The following IL1RAPL2 variants were observed in gnomAD, a reference collection of about 807,000 sequenced individuals.
IL1RAPL2 encodes the protein interleukin 1 receptor accessory protein like 2.
Under a neutral mutation model 44.1 loss-of-function variants are expected in IL1RAPL2, and 3 were observed. That is an observed-to-expected ratio of 0.07 (90% CI 0.03 to 0.18). IL1RAPL2 has a LOEUF of 0.18. Ranked by LOEUF, IL1RAPL2 falls within the 10% of genes least tolerant of loss-of-function variation. IL1RAPL2 has a pLI of 1.00. For missense variants in IL1RAPL2, 391 were observed against 496.4 expected, an observed-to-expected ratio of 0.79 and a Z score of 2.02; for synonymous variants, 181 against 178.8, an observed-to-expected ratio of 1.01 and a Z score of -0.10.
At chrX:105,380,742 T>G (rs1232612406) in intron 5 of IL1RAPL2, among the ~76,000 whole-genome samples, 1 of 111,742 alleles carries the variant, frequency 8.9e-6, no homozygotes, top group Non-Finnish European at 1.9e-5. Context: ...GAAAATGAAG[T>G]TAGGGACTTA....
At chrX:105,694,377 T>C in intron 6 of IL1RAPL2, among the ~76,000 whole-genome samples, 1 of 111,614 alleles carries the variant, frequency 9.0e-6, no homozygotes, top group Non-Finnish European at 1.9e-5. Context: ...AAAACATACT[T>C]AGTAGGTAAA....
intron 2 of IL1RAPL2, among the ~76,000 whole-genome samples, chrX:104,778,128 G>A (rs766588830): frequency 9.1e-6 from 1 of 109,923 alleles, no homozygotes; most frequent in Admixed American, 9.7e-5. Context: ...GTGCATTTTG[G>A]CCATTTGTAT....
chrX:104,612,891 A>C (rs982533321), intron 1 of IL1RAPL2, among the ~76,000 whole-genome samples: 2 of 111,043 alleles, frequency 1.8e-5, no homozygotes, highest in African/African-American at 6.5e-5. Context: ...TTTCTCCTCC[A>C]TGGTTAGCTG....
chrX:104,990,401 T>C (rs2030639846), intron 2 of IL1RAPL2, among the ~76,000 whole-genome samples: 1 of 96,157 alleles, frequency 1.0e-5, no homozygotes, highest in South Asian at 4.7e-4. Flanking sequence ...CCCCTTGGGA[T>C]GGGGTTGGAG....
At chrX:105,011,893 TAGAC>T (rs2031054460) in intron 2 of IL1RAPL2, among the ~76,000 whole-genome samples, 1 of 110,803 alleles carries the variant, frequency 9.0e-6, no homozygotes, top group Non-Finnish European at 1.9e-5. Flanking sequence ...ACCTGACAAT[TAGAC>T]AGTTACATAG....
chrX:104,593,810 G>C (rs1292872397), intron 1 of IL1RAPL2, among the ~76,000 whole-genome samples: 1 of 111,981 alleles, frequency 8.9e-6, no homozygotes, highest in Non-Finnish European at 1.9e-5. Context: ...CCCTTCAACA[G>C]TGTCCTACAC....
At chrX:105,074,015 T>A (rs1235449594) in intron 2 of IL1RAPL2, among the ~76,000 whole-genome samples, 2 of 111,845 alleles carry the variant, frequency 1.8e-5, no homozygotes, top group Non-Finnish European at 3.8e-5. Context: ...GATGGTGGTT[T>A]CTTTTGCTGT....
At chrX:104,626,421 C>T (rs1309022315) in intron 1 of IL1RAPL2, among the ~76,000 whole-genome samples, 4 of 108,871 alleles carry the variant, frequency 3.7e-5, no homozygotes, top group Non-Finnish European at 5.7e-5. Flanking sequence ...TTTATTTTAC[C>T]AATGTCCTAA....
intron 3 of IL1RAPL2, among the ~76,000 whole-genome samples, chrX:105,221,997 A>G (rs1481643014): frequency 9.0e-6 from 1 of 111,506 alleles, no homozygotes; most frequent in Non-Finnish European, 1.9e-5. Context: ...TAATTTCTTC[A>G]TAATCCCTAA....
At chrX:104,652,567 G>A (rs1930172385) in intron 1 of IL1RAPL2, among the ~76,000 whole-genome samples, 1 of 111,512 alleles carries the variant, frequency 9.0e-6, no homozygotes, top group Non-Finnish European at 1.9e-5. Context: ...CATTCTAGTG[G>A]GCAAGGAGTA....
At chrX:104,613,475 T>C (rs1266999894) in intron 1 of IL1RAPL2, among the ~76,000 whole-genome samples, 2 of 112,150 alleles carry the variant, frequency 1.8e-5, no homozygotes, top group Non-Finnish European at 3.8e-5. Flanking sequence ...TGTTTATTGA[T>C]TTGCATATGT....
At chrX:105,329,167 A>T (rs775371138) in intron 5 of IL1RAPL2, among the ~76,000 whole-genome samples, 1 of 112,446 alleles carries the variant, frequency 8.9e-6, no homozygotes, top group East Asian at 2.8e-4. Context: ...CATTGTTGAG[A>T]TGACCCAGGA....
chrX:105,242,871 G>A (rs782065702), intron 4 of IL1RAPL2, among the ~76,000 whole-genome samples: 19 of 111,030 alleles, frequency 1.7e-4, no homozygotes, highest in East Asian at 1.4e-3. Context: ...AGACCAAGGC[G>A]GGCGGATCAC....
At chrX:104,813,402 A>ATT (rs34063707) in intron 2 of IL1RAPL2, among the ~76,000 whole-genome samples, 35 of 108,450 alleles carry the variant, frequency 3.2e-4, no homozygotes, top group Admixed American at 1.7e-3. Context: ...AAGCATAAAG[A>ATT]TTTTTTTTTG....
At position 104,886,817 on chromosome X, in the gene IL1RAPL2, G is replaced by A. The variant is rs538733039; in HGVS notation, c.82+227822G>A. On this transcript the variant is annotated intron_variant, in intron 2 of 10. Coordinates refer to ENST00000372582, the MANE Select transcript of IL1RAPL2 (RefSeq NM_017416.2). ...AAAGGTTTAGGGATAGCCCTCATCC[G>A]TTTGGTCAGGCACTGGCCCAGGATC... Among the ~76,000 whole-genome samples, 181 of 112,235 alleles carry A rather than the reference G, an allele frequency of 1.6e-3. 1 individual carries two copies. Among genetic ancestry groups the A allele is most frequent in the African/African-American group, 5.4e-3 (166 of 30,911 alleles).
chrX:105,559,561 G>A (rs1044909775), intron 6 of IL1RAPL2, among the ~76,000 whole-genome samples: 2 of 111,383 alleles, frequency 1.8e-5, no homozygotes, highest in Admixed American at 9.6e-5. Flanking sequence ...TTATATAGGG[G>A]AATCTCTGGA....
At chrX:105,665,349 G>GTA (rs777041930) in intron 6 of IL1RAPL2, among the ~76,000 whole-genome samples, 3 of 108,173 alleles carry the variant, frequency 2.8e-5, no homozygotes, top group African/African-American at 1.0e-4. Flanking sequence ...GCGTGCGTGT[G>GTA]TGTGTGTGTG....
intron 5 of IL1RAPL2, among the ~76,000 whole-genome samples, chrX:105,389,780 T>C (rs184543741): frequency 1.1e-4 from 12 of 111,272 alleles, no homozygotes; most frequent in African/African-American, 3.9e-4. Context: ...GAGAAAACTT[T>C]TGAGAACAAA....
chrX:104,898,743 C>T (rs1391911146), intron 2 of IL1RAPL2, among the ~76,000 whole-genome samples: 2 of 112,324 alleles, frequency 1.8e-5, no homozygotes. Context: ...TTGTTTTAAT[C>T]TCTGAGCTGA....
Sources: allele counts gnomAD v4.1 joint callset (sites outside exome capture counted in the v4.1 genomes callset), GRCh38; gene constraint gnomAD v4.1.1; transcripts MANE v1.5; gene names NCBI Gene and HGNC (gene_info 2026-07-23, HGNC 2026-07-21).